LSAMP: variants seen among roughly 807,000 people sequenced by gnomAD.
The protein encoded by LSAMP is limbic system-associated membrane protein.
LSAMP carries 7 observed loss-of-function variants against 38.6 expected under a neutral mutation model. The observed-to-expected ratio is 0.18, with a 90% CI of 0.10 to 0.34. LSAMP has a LOEUF of 0.34. Ranked by LOEUF, LSAMP falls within the 10% of genes least tolerant of loss-of-function variation. LSAMP has a pLI of 1.00. For synonymous variants in LSAMP, 154 were observed against 166.8 expected (o/e 0.92, Z 0.59); for missense variants, 313 against 420.0 (o/e 0.75, Z 2.23).
intron 1 of LSAMP, among the ~76,000 whole-genome samples, chr3:116,259,822 T>C (rs2046801906): frequency 6.6e-6 from 1 of 151,770 alleles, no homozygotes; most frequent in Admixed American, 6.6e-5. Flanking sequence ...AAAAACAGAG[T>C]GCTTGGGTCT....
intron 2 of LSAMP, among the ~76,000 whole-genome samples, chr3:116,054,864 G>T (rs771681721): frequency 2.0e-5 from 3 of 152,010 alleles, no homozygotes; most frequent in African/African-American, 2.4e-5. Context: ...CTGTGTTTGG[G>T]GTACTCATTT....
intron 2 of LSAMP, among the ~76,000 whole-genome samples, chr3:116,046,731 T>A (rs1448709864): frequency 1.3e-5 from 2 of 152,234 alleles, no homozygotes; most frequent in Non-Finnish European, 2.9e-5. Flanking sequence ...GATCCTTTCT[T>A]GCATTTGCCC....
intron 3 of LSAMP, among the ~76,000 whole-genome samples, chr3:116,012,966 T>C (rs1940374868): frequency 6.6e-6 from 1 of 152,174 alleles, no homozygotes; most frequent in Admixed American, 6.6e-5. Context: ...AGGAGTGAGA[T>C]GTTGAGAGAT....
chr3:115,961,952 G>A (rs9856549), intron 3 of LSAMP, among the ~76,000 whole-genome samples: 33,516 of 152,108 alleles, frequency 0.22, 3,971 homozygotes, highest in African/African-American at 0.29. Flanking sequence ...ATAGCTGCAT[G>A]GCTTTTGGGT....
intron 1 of LSAMP, among the ~76,000 whole-genome samples, chr3:116,350,926 G>A (rs2107765233): frequency 6.6e-6 from 1 of 152,048 alleles, no homozygotes; most frequent in South Asian, 2.1e-4. Flanking sequence ...GATGGAAAAG[G>A]CACTAAATTT....
chr3:116,186,627 C>T (rs187075539), intron 1 of LSAMP, among the ~76,000 whole-genome samples: 1 of 152,084 alleles, frequency 6.6e-6, no homozygotes, highest in Admixed American at 6.6e-5. Context: ...CAGAGAAAAC[C>T]AAGCTTCAAG....
chr3:116,161,265 C>T (rs980733893), intron 1 of LSAMP, among the ~76,000 whole-genome samples: 4 of 152,286 alleles, frequency 2.6e-5, no homozygotes, highest in Non-Finnish European at 5.9e-5. Flanking sequence ...TGAAATAACA[C>T]TTTCTGCAGA....
At position 115,842,628 on chromosome 3, in the gene LSAMP, A is replaced by G. The variant is rs1935033826; in HGVS notation, c.650-50T>C. 1.9e-6 allele frequency: 3 copies of G among 1,603,746 alleles called. No individual in the cohort carries two copies. In the East Asian group the frequency reaches 6.7e-5, roughly 36 times the overall value. On this transcript the variant is annotated intron_variant, in intron 4 of 6. Transcript: ENST00000490035. ...TTTACATGAGGGTCGGGGTGCTTAG[A>G]ATTTCTATTCAGGAAGGAATGAAGA...
chr3:115,992,945 T>C (rs1939712621), intron 3 of LSAMP, among the ~76,000 whole-genome samples: 1 of 152,086 alleles, frequency 6.6e-6, no homozygotes, highest in South Asian at 2.1e-4. Flanking sequence ...TTTCTCTCTT[T>C]ACCTAGCTGA....
chr3:115,883,239 A>G (rs1310214922), intron 3 of LSAMP, among the ~76,000 whole-genome samples: 2 of 152,110 alleles, frequency 1.3e-5, no homozygotes, highest in Non-Finnish European at 2.9e-5. Context: ...GCCATCTATT[A>G]GAACACATTT....
chr3:116,109,960 C>T (rs547279658), intron 1 of LSAMP, among the ~76,000 whole-genome samples: 1 of 135,004 alleles, frequency 7.4e-6, no homozygotes, highest in Non-Finnish European at 1.5e-5. Flanking sequence ...GATAAGAGGT[C>T]GGGGTGTGGA....
intron 4 of LSAMP, among the ~76,000 whole-genome samples, chr3:115,850,717 T>G (rs922714864): frequency 1.3e-4 from 20 of 152,198 alleles, no homozygotes; most frequent in Non-Finnish European, 1.0e-4. Flanking sequence ...CCATAAACTA[T>G]AGCAGAGTCA....
Position 116,445,459 on chromosome 3 carries a change from C to A in LSAMP, c.-428G>T. The A allele has an allele frequency of 2.2e-6, 1 of 451,958 alleles. No individual in the cohort carries two copies. The highest frequency in any genetic ancestry group is 3.4e-5 in the East Asian group (1 of 29,704). 28.0% of individuals were successfully genotyped at this position (451,958 alleles called of 1,614,324 possible). The stretch of plus-strand genomic sequence containing the variant: ...GCGAGGGAGCCGGCACCAAGCCTGC[C>A]AGTGAGTGTACAGAAACAGCCACAC... On this transcript the variant is annotated 5_prime_UTR_variant, in exon 1 of 7. Transcript: ENST00000490035.
chr3:116,072,345 T>C (rs1707627358), intron 2 of LSAMP, among the ~76,000 whole-genome samples: 1 of 152,200 alleles, frequency 6.6e-6, no homozygotes, highest in African/African-American at 2.4e-5. Context: ...CTATTGTGAA[T>C]AGTCTTGCAA....
At chr3:116,230,839 T>A (rs899224643) in intron 1 of LSAMP, among the ~76,000 whole-genome samples, 1 of 152,014 alleles carries the variant, frequency 6.6e-6, no homozygotes, top group African/African-American at 2.4e-5. Flanking sequence ...TAAAAATTAA[T>A]TAAAATGAGA....
intron 3 of LSAMP, among the ~76,000 whole-genome samples, chr3:115,986,349 G>A (rs147168027): frequency 6.6e-6 from 1 of 152,078 alleles, no homozygotes; most frequent in Non-Finnish European, 1.5e-5. Context: ...TAGTTAGCAC[G>A]AGTTGCTGAC....
chr3:116,231,743 C>T (rs762313988), intron 1 of LSAMP, among the ~76,000 whole-genome samples: 14 of 151,986 alleles, frequency 9.2e-5, no homozygotes, highest in Admixed American at 5.9e-4. Context: ...AATGACTTCA[C>T]GGAGAGAATG....
rs184836088 is a variant in LSAMP at position 116,113,716 on chromosome 3, C to T, written c.156-27160G>A. On this transcript the variant is annotated intron_variant, in intron 1 of 6. Coordinates refer to ENST00000490035, the MANE Select transcript of LSAMP (RefSeq NM_002338.5). ...CTGGGATTACAGGCGTGAGCCACCGCGCCCGGCCCTTTGCCCTATATTTTA... is the reference window on the plus strand; with the variant it reads ...CTGGGATTACAGGCGTGAGCCACCGTGCCCGGCCCTTTGCCCTATATTTTA... Among the ~76,000 whole-genome samples the T allele has an allele frequency of 1.2e-3, 189 of 152,166 alleles. 1 individual carries two copies. The highest frequency in any genetic ancestry group is 6.8e-3 in the Middle Eastern group (2 of 292).
chr3:116,341,175 T>G (rs2107753252), intron 1 of LSAMP, among the ~76,000 whole-genome samples: 1 of 151,946 alleles, frequency 6.6e-6, no homozygotes, highest in East Asian at 1.9e-4. Context: ...ATCAGCAAAC[T>G]CTCAAAACCT....
Sources: gnomAD v4.1 joint callset for allele counts (sites outside exome capture counted in the v4.1 genomes callset) on GRCh38, gnomAD v4.1.1 for gene constraint, MANE v1.5 for transcripts, NCBI Gene and HGNC (gene_info 2026-07-23, HGNC 2026-07-21) for gene names.